XKR9: variants seen among roughly 807,000 people sequenced by gnomAD.
XKR9 encodes XK related 9.
In XKR9, 32 loss-of-function variants were observed where a neutral mutation model predicts 32.0. The ratio of observed to expected loss-of-function variants is 1.00; its 90% confidence interval spans 0.76 to 1.34. The LOEUF is 1.34. XKR9 is among the 40% of genes most tolerant of loss of function. The pLI, the probability that XKR9 is intolerant of heterozygous loss-of-function variation, is 0.00. For synonymous variants in XKR9, 168 were observed against 143.4 expected (o/e 1.17, Z -1.22); for missense variants, 546 against 429.7 (o/e 1.27, Z -2.39).
intron 2 of XKR9, among the ~76,000 whole-genome samples, chr8:70,777,867 G>A (rs368694465): frequency 1.2e-4 from 18 of 152,148 alleles, no homozygotes; most frequent in African/African-American, 4.3e-4. Flanking sequence ...TTTGTCAGAT[G>A]GATAGATGGC....
chr8:70,759,312 GA>G (rs1807273741), intron 2 of XKR9, among the ~76,000 whole-genome samples: 2 of 152,134 alleles, frequency 1.3e-5, no homozygotes, highest in Admixed American at 1.3e-4. Context: ...TTATTAATAG[GA>G]CTCACTTTTC....
chr8:70,857,433 G>A, the XKR9 span, among the ~76,000 whole-genome samples: 1 of 152,156 alleles, frequency 6.6e-6, no homozygotes, highest in Admixed American at 6.6e-5. Context: ...GGAAGAAGTT[G>A]AATCTGAATA....
At chr8:70,704,824 A>C (rs535381443) in intron 3 of XKR9, among the ~76,000 whole-genome samples, 3 of 152,250 alleles carry the variant, frequency 2.0e-5, no homozygotes, top group African/African-American at 7.2e-5. Flanking sequence ...TTTCTTAGAA[A>C]TCTTGCTTAT....
chr8:70,722,512 C>G (rs1339767458), intron 4 of XKR9, among the ~76,000 whole-genome samples: 1 of 152,114 alleles, frequency 6.6e-6, no homozygotes, highest in African/African-American at 2.4e-5. Context: ...AATCCCTCAG[C>G]ATTTGCTTGT....
chr8:71,015,064 G>A, the XKR9 span, among the ~76,000 whole-genome samples: 2 of 152,158 alleles, frequency 1.3e-5, no homozygotes, highest in Non-Finnish European at 2.9e-5. Flanking sequence ...GGAGTTTAAT[G>A]TTGTTGGAAA....
At chr8:70,952,153 T>TACACAC in the XKR9 span, among the ~76,000 whole-genome samples, 92 of 148,214 alleles carry the variant, frequency 6.2e-4, no homozygotes, top group African/African-American at 2.0e-3. Flanking sequence ...AGAAAACCTT[T>TACACAC]ACACACACAC....
the XKR9 span, among the ~76,000 whole-genome samples, chr8:71,027,888 C>T: frequency 2.0e-5 from 3 of 151,850 alleles, no homozygotes; most frequent in Non-Finnish European, 2.9e-5. Flanking sequence ...CCTCCCACCT[C>T]GGCCTTCAGT....
chr8:70,745,893 T>C (rs1807051821), intron 2 of XKR9, among the ~76,000 whole-genome samples: 1 of 152,202 alleles, frequency 6.6e-6, no homozygotes, highest in Admixed American at 6.5e-5. Context: ...ATAATGCATC[T>C]CTAACTCTGG....
the XKR9 span, among the ~76,000 whole-genome samples, chr8:71,008,133 TA>T: frequency 6.6e-6 from 1 of 152,124 alleles, no homozygotes; most frequent in Non-Finnish European, 1.5e-5. Flanking sequence ...TTAAAAGACC[TA>T]AAGAATTTTT....
the XKR9 span, among the ~76,000 whole-genome samples, chr8:70,874,232 C>T: frequency 3.9e-5 from 6 of 152,080 alleles, no homozygotes; most frequent in African/African-American, 1.2e-4. Context: ...ATTGAACCTG[C>T]AATATCTCTA....
the XKR9 span, among the ~76,000 whole-genome samples, chr8:71,005,890 A>G: frequency 3.3e-5 from 5 of 152,180 alleles, no homozygotes; most frequent in Non-Finnish European, 7.4e-5. Context: ...CCAGTTTGGG[A>G]TCTTTACATT....
intron 2 of XKR9, among the ~76,000 whole-genome samples, chr8:70,750,774 A>G (rs894063678): frequency 9.2e-5 from 14 of 152,352 alleles, no homozygotes; most frequent in African/African-American, 3.4e-4. Context: ...TTCATTACCT[A>G]CAAAAATAAA....
At chr8:70,845,294 C>T in the XKR9 span, among the ~76,000 whole-genome samples, 9 of 152,276 alleles carry the variant, frequency 5.9e-5, no homozygotes, top group Admixed American at 1.3e-4. Context: ...AAAGTCATCC[C>T]CTGTTAAAGT....
At chr8:70,817,783 G>GAA in the XKR9 span, among the ~76,000 whole-genome samples, 2 of 152,108 alleles carry the variant, frequency 1.3e-5, no homozygotes, top group African/African-American at 2.4e-5. Flanking sequence ...CAATATAACA[G>GAA]AAAAGAGAAC....
intron 2 of XKR9, among the ~76,000 whole-genome samples, chr8:70,785,107 G>T (rs913727476): frequency 2.6e-5 from 4 of 151,896 alleles, no homozygotes; most frequent in East Asian, 3.8e-4. Context: ...TAAATGTTTT[G>T]TGGAATTCAG....
intron 2 of XKR9, among the ~76,000 whole-genome samples, chr8:70,741,715 A>T (rs1031354391): frequency 6.6e-6 from 1 of 152,212 alleles, no homozygotes; most frequent in East Asian, 1.9e-4. Context: ...AACAGTGAAC[A>T]TGGGTTTACA....
chr8:70,767,736 C>T (rs943799745), intron 2 of XKR9, among the ~76,000 whole-genome samples: 2 of 151,940 alleles, frequency 1.3e-5, no homozygotes, highest in Middle Eastern at 3.2e-3. Context: ...CTCCTGACCT[C>T]GTTTTCTGCC....
chr8:70,808,215 C>T, the XKR9 span, among the ~76,000 whole-genome samples: 1 of 151,994 alleles, frequency 6.6e-6, no homozygotes, highest in East Asian at 1.9e-4. Flanking sequence ...TTTTTTGAAA[C>T]CAATGAGAAG....
At chr8:70,791,865 A>C (rs777747230), downstream of XKR9, among the ~76,000 whole-genome samples, 29 of 152,138 alleles carry the variant, frequency 1.9e-4, no homozygotes, top group Non-Finnish European at 4.3e-4. Flanking sequence ...ACTAAGTCTC[A>C]GTATTTTAAG....
Sources: gnomAD v4.1 joint callset for allele counts (sites outside exome capture counted in the v4.1 genomes callset) on GRCh38, gnomAD v4.1.1 for gene constraint, MANE v1.5 for transcripts, NCBI Gene and HGNC (gene_info 2026-07-23, HGNC 2026-07-21) for gene names.